The following ADARB1 variants were observed in gnomAD, a reference collection of about 807,000 sequenced individuals.
ADARB1 encodes double-stranded RNA-specific editase 1.
ADARB1 carries 10 observed loss-of-function variants against 52.4 expected under a neutral mutation model. The observed-to-expected ratio is 0.19, with a 90% CI of 0.12 to 0.32. The LOEUF is 0.32. Among genes scored for constraint, ADARB1 ranks in the 10% least tolerant of loss-of-function variants. The pLI, the probability that ADARB1 is intolerant of heterozygous loss-of-function variation, is 1.00. For missense variants in ADARB1, 643 were observed against 922.3 expected (o/e 0.70, Z 3.92); for synonymous variants, 349 against 371.1 (o/e 0.94, Z 0.68).
At chr21:45,117,091 A>G (rs781301918) in intron 1 of ADARB1, 4 of 152,254 alleles carry the variant, frequency 2.6e-5, no homozygotes, top group Non-Finnish European at 5.9e-5. Flanking sequence ...TTTACTGGAA[A>G]TGTTTTCTAC....
intron 1 of ADARB1, among the ~76,000 whole-genome samples, chr21:45,112,092 G>A (rs554288258): frequency 1.3e-5 from 2 of 152,190 alleles, no homozygotes; most frequent in African/African-American, 2.4e-5. Context: ...TAGTGAGATT[G>A]AGCTTTTGTT....
In ADARB1 at chr21:45,075,324, C is replaced by CGCTGCGCCGGGGGACGGCAG. The variant is rs1158381892; in HGVS notation, c.-220+540_-220+559dup. 3.4e-5 allele frequency among the ~76,000 whole-genome samples: 5 copies of CGCTGCGCCGGGGGACGGCAG among 148,530 alleles called. No individual in the cohort carries two copies. The East Asian group carries it at 1.0e-3, about 30-fold the overall frequency. ...GGGAGACGCTCCGCCCGGCATGGGA[C>CGCTGCGCCGGGGGACGGCAG]GCTGCGCCGGGGGACGGCAGGCTGC... On this transcript the variant is annotated intron_variant, in intron 1 of 10. Coordinates refer to ENST00000348831, the MANE Select transcript of ADARB1 (RefSeq NM_001112.4).
At chr21:45,116,787 C>G (rs1189097820) in intron 1 of ADARB1, 1 of 152,194 alleles carries the variant, frequency 6.6e-6, no homozygotes, top group African/African-American at 2.4e-5. Context: ...GTAACTGCCC[C>G]CATGATACAA....
In ADARB1 at chr21:45,148,722, C is replaced by T. The variant is rs145802075; in HGVS notation, c.-48+20149C>T. On this transcript the variant is annotated intron_variant, in intron 2 of 10. Coordinates refer to ENST00000348831, the MANE Select transcript of ADARB1 (RefSeq NM_001112.4). Reference sequence around the variant, plus strand: ...GCATCACAGATGCATTCGCCAGCAGCTGGGCTCGGCTTTGCTCTAACATCC... The same window carrying T: ...GCATCACAGATGCATTCGCCAGCAGTTGGGCTCGGCTTTGCTCTAACATCC... Among the ~76,000 whole-genome samples the T allele has an allele frequency of 1.3e-3, 203 of 152,326 alleles. 1 individual carries two copies. Among genetic ancestry groups the T allele is most frequent in the African/African-American group, 4.7e-3 (196 of 41,580 alleles).
intron 2 of ADARB1, among the ~76,000 whole-genome samples, chr21:45,169,543 CCCTGGCTTGTCAGCTT>C (rs1229028912): frequency 1.3e-5 from 2 of 152,090 alleles, no homozygotes; most frequent in African/African-American, 4.8e-5. Flanking sequence ...TCCTGAGGCC[CCCTGGCTTGTCAGCTT>C]TCTCTACATC....
intron 8 of ADARB1, among the ~76,000 whole-genome samples, chr21:45,186,957 A>C (rs140524614): frequency 1.3e-5 from 2 of 152,296 alleles, no homozygotes; most frequent in East Asian, 1.9e-4. Context: ...GAAATGAGGA[A>C]GTTTGAATCC....
intron 8 of ADARB1, among the ~76,000 whole-genome samples, chr21:45,198,709 C>T (rs1347548944): frequency 6.6e-6 from 1 of 152,050 alleles, no homozygotes; most frequent in Non-Finnish European, 1.5e-5. Context: ...CATTGTGTGG[C>T]TCATAACTCA....
intron 2 of ADARB1, among the ~76,000 whole-genome samples, chr21:45,140,567 A>G (rs1017305354): frequency 6.6e-6 from 1 of 152,158 alleles, no homozygotes; most frequent in African/African-American, 2.4e-5. Context: ...GAGGAGGCTC[A>G]GTGGCGTTCT....
At chr21:45,166,565 G>A (rs2091262784) in intron 2 of ADARB1, among the ~76,000 whole-genome samples, 1 of 152,214 alleles carries the variant, frequency 6.6e-6, no homozygotes. Flanking sequence ...CGTGAGCCAC[G>A]CTGTGTTGCG....
At position 45,172,022 on chromosome 21, in the gene ADARB1, C is replaced by T. The variant is rs912939854; in HGVS notation, c.28+338C>T. Reference sequence around the variant, plus strand: ...GCTCCGAGTATTCACACATACAAATCGAAGATAACGTCTGAGATTGATTTA... The same window carrying T: ...GCTCCGAGTATTCACACATACAAATTGAAGATAACGTCTGAGATTGATTTA... On this transcript the variant is annotated intron_variant, in intron 3 of 10. Coordinates refer to ENST00000348831, the MANE Select transcript of ADARB1 (RefSeq NM_001112.4). This position sits in a 1 kb window ranked among gnomAD's most constrained non-coding sequence, Gnocchi z 4.4. 6.6e-6 allele frequency among the ~76,000 whole-genome samples: 1 copy of T among 152,120 alleles called. No homozygotes were observed. The highest frequency in any genetic ancestry group is 1.5e-5 in the Non-Finnish European group (1 of 68,034).
At chr21:45,182,101 GT>G (rs2091951035) in intron 5 of ADARB1, among the ~76,000 whole-genome samples, 2 of 152,206 alleles carry the variant, frequency 1.3e-5, no homozygotes, top group Non-Finnish European at 2.9e-5. Flanking sequence ...AATGGTGACA[GT>G]TTACTAATGA....
chr21:45,110,971 AG>A (rs1457472461), intron 1 of ADARB1, among the ~76,000 whole-genome samples: 1 of 152,108 alleles, frequency 6.6e-6, no homozygotes, highest in Non-Finnish European at 1.5e-5. Context: ...TCAGGTCGAG[AG>A]GGCTGGGGTG....
chr21:45,135,861 C>G (rs900789238), intron 2 of ADARB1, among the ~76,000 whole-genome samples: 1 of 152,174 alleles, frequency 6.6e-6, no homozygotes, highest in African/African-American at 2.4e-5. Flanking sequence ...CTGTGCTGCC[C>G]CTCACCCTCC....
intron 2 of ADARB1, among the ~76,000 whole-genome samples, chr21:45,129,678 C>T (rs2088811328): frequency 6.6e-6 from 1 of 152,118 alleles, no homozygotes; most frequent in Admixed American, 6.5e-5. Flanking sequence ...GAGCGGTCAC[C>T]AGGGCGTGAG....
In ADARB1 at chr21:45,208,951, C is replaced by T. The variant is rs2092717814; in HGVS notation, c.1747+4215C>T. On this transcript the variant is annotated intron_variant, in intron 9 of 10. Transcript: ENST00000348831. This position sits in a 1 kb window ranked among gnomAD's most constrained non-coding sequence, Gnocchi z 5.6. ...TTTCCATTTTACTTTCTGTTTTCCT[C>T]CCCTTTGCTTTTGCTGGACCGATTA... 6.6e-6 allele frequency among the ~76,000 whole-genome samples: 1 copy of T among 152,160 alleles called. No homozygotes were observed. Among genetic ancestry groups the T allele is most frequent in the African/African-American group, 2.4e-5 (1 of 41,424 alleles).
chr21:45,145,685 G>C (rs1347165104), intron 2 of ADARB1: 1 of 152,250 alleles, frequency 6.6e-6, no homozygotes, highest in Non-Finnish European at 1.5e-5. Flanking sequence ...AGAAAGCACA[G>C]AACAACTGCC....
At chr21:45,091,527 A>G (rs2086560432) in intron 1 of ADARB1, among the ~76,000 whole-genome samples, 1 of 152,212 alleles carries the variant, frequency 6.6e-6, no homozygotes, top group South Asian at 2.1e-4. Context: ...AGTTCTGGAC[A>G]TCATGAGACC....
At chr21:45,106,766 A>G (rs1401095815) in intron 1 of ADARB1, among the ~76,000 whole-genome samples, 1 of 152,162 alleles carries the variant, frequency 6.6e-6, no homozygotes, top group Admixed American at 6.5e-5. Flanking sequence ...TTGGGGTGCA[A>G]ATTTGTCTCT....
chr21:45,125,128 A>G (rs1397742827), intron 1 of ADARB1, among the ~76,000 whole-genome samples: 1 of 152,176 alleles, frequency 6.6e-6, no homozygotes, highest in Admixed American at 6.5e-5. Context: ...GAGTTTCTTC[A>G]TTTAACCTAA....
Sources: gnomAD v4.1 joint callset for allele counts (sites outside exome capture counted in the v4.1 genomes callset) on GRCh38, gnomAD v4.1.1 for gene constraint, Gnocchi (gnomAD v3.1) non-coding constraint, MANE v1.5 for transcripts, NCBI Gene and HGNC (gene_info 2026-07-23, HGNC 2026-07-21) for gene names.